The following ADCY3 variants were observed in gnomAD, a reference collection of about 807,000 sequenced individuals.
ADCY3 encodes adenylate cyclase type 3.
Under a neutral mutation model 119.4 loss-of-function variants are expected in ADCY3, and 70 were observed. The ratio of observed to expected loss-of-function variants is 0.59; its 90% CI spans 0.48 to 0.72. ADCY3 has a LOEUF of 0.72. Ranked by LOEUF, ADCY3 falls within the 30% of genes least tolerant of loss-of-function variation. ADCY3 has a pLI of 0.00. For missense variants in ADCY3, 1,238 were observed against 1,541.6 expected, an observed-to-expected ratio of 0.80 and a Z score of 3.30; for synonymous variants, 672 against 621.4, an observed-to-expected ratio of 1.08 and a Z score of -1.21.
chr2:24,830,903 C>T lies in ADCY3; in HGVS notation c.2056-78G>A, dbSNP rs1385107486. 3.5e-6 allele frequency: 4 copies of T among 1,158,694 alleles called. No individual in the cohort carries two copies. In the African/African-American group the frequency reaches 4.6e-5, roughly 13 times the overall value. 71.8% of individuals were successfully genotyped at this position (1,158,694 alleles called of 1,614,324 possible). A position where few individuals can be genotyped will look rare whatever the true frequency, so the allele number is the denominator to read the frequency against. On this transcript the variant is annotated intron_variant, in intron 12 of 21. Transcript: ENST00000679454. Reference sequence around the variant, plus strand: ...GCGACGTGACTGACAGCAACTCAGGCTGGTCCCGTATTCCAGTCCCAGGAG... The same window carrying T: ...GCGACGTGACTGACAGCAACTCAGGTTGGTCCCGTATTCCAGTCCCAGGAG...
chr2:24,833,421 G>A lies in ADCY3; in HGVS notation c.1967+1064C>T, dbSNP rs553546780. On this transcript the variant is annotated intron_variant, in intron 11 of 21. Transcript: ENST00000679454. ...AGGCTCGCCCCTCACCCGCTTCCAG[G>A]CGTTACTGAAATATTATCCTGCCAG... Among the ~76,000 whole-genome samples, 52 of 152,254 alleles carry A rather than the reference G, an allele frequency of 3.4e-4. 3 individuals are homozygous for A. In the South Asian group the frequency reaches 9.1e-3, roughly 27 times the overall value.
At chr2:24,913,704 G>A (rs1214455595) in intron 2 of ADCY3, among the ~76,000 whole-genome samples, 12 of 152,184 alleles carry the variant, frequency 7.9e-5, no homozygotes, top group East Asian at 1.9e-4. Context: ...CCCTCCCTAC[G>A]GCAGCTCCCT....
At chr2:24,903,764 G>A (rs1312910191) in intron 2 of ADCY3, among the ~76,000 whole-genome samples, 1 of 152,172 alleles carries the variant, frequency 6.6e-6, no homozygotes, top group Non-Finnish European at 1.5e-5. Context: ...CTCGCCAGCT[G>A]AACAGGGAGC....
chr2:24,839,041 C>T (rs554367903), intron 7 of ADCY3: 81 of 448,876 alleles, frequency 1.8e-4, no homozygotes, highest in East Asian at 1.2e-3. Context: ...CTCCCGGGTT[C>T]AAGCAATTCT....
Position 24,841,121 on chromosome 2 carries a change from C to A in ADCY3, c.1196+138G>T. On this transcript the variant is annotated intron_variant, in intron 6 of 21. Transcript: ENST00000679454. This position sits in a 1 kb window ranked among gnomAD's most constrained non-coding sequence, Gnocchi z 5.8. ...GCGGGAGCCTGCGCCACCCATCAACCAGTGCTGTGTCCCAGTCTCTGCTTC... is the reference window on the plus strand; with the variant it reads ...GCGGGAGCCTGCGCCACCCATCAACAAGTGCTGTGTCCCAGTCTCTGCTTC... The A allele has an allele frequency of 9.8e-7, 1 of 1,022,250 alleles. No individual in the cohort carries two copies. The highest frequency in any genetic ancestry group is 1.4e-6 in the Non-Finnish European group (1 of 730,424). 63.3% of individuals were successfully genotyped at this position (1,022,250 alleles called of 1,614,324 possible).
At position 24,843,986 on chromosome 2, in the gene ADCY3, C is replaced by A. The variant is rs188177222; in HGVS notation, c.826-1602G>T. On this transcript the variant is annotated intron_variant, in intron 3 of 21. Transcript: ENST00000679454. ...TGGTGGGGGGCACTTGGGGGAGAAT[C>A]CCAAGTTGAGGTTTTGCAAGATGGA... Among the ~76,000 whole-genome samples, 337 of 152,214 alleles carry A rather than the reference C, an allele frequency of 2.2e-3. 5 individuals carry two copies. The highest frequency in any genetic ancestry group is 1.8e-3 in the Non-Finnish European group (122 of 68,002).
At chr2:24,844,402 A>G (rs1671427165) in intron 3 of ADCY3, among the ~76,000 whole-genome samples, 2 of 152,078 alleles carry the variant, frequency 1.3e-5, no homozygotes, top group South Asian at 4.1e-4. Context: ...GTCCCAGGCC[A>G]CAGGAGCAGG....
chr2:24,900,545 C>A (rs1678790423), intron 2 of ADCY3, among the ~76,000 whole-genome samples: 1 of 151,930 alleles, frequency 6.6e-6, no homozygotes, highest in Non-Finnish European at 1.5e-5. Flanking sequence ...CTGTGAGCAG[C>A]CTGGGCAAAC....
chr2:24,865,121 G>A (rs1558471614), intron 3 of ADCY3, among the ~76,000 whole-genome samples: 1 of 152,172 alleles, frequency 6.6e-6, no homozygotes, highest in Non-Finnish European at 1.5e-5. Flanking sequence ...TCATTAAGAA[G>A]GTTGTGGCAA....
intron 2 of ADCY3, among the ~76,000 whole-genome samples, chr2:24,917,627 G>A (rs1405495532): frequency 1.3e-5 from 2 of 152,152 alleles, no homozygotes; most frequent in Admixed American, 6.5e-5. Context: ...AGCAGAATGC[G>A]TGCTTTAGGA....
rs911525785 is a variant in ADCY3, at chr2:24,919,117, G to A, written c.-130C>T. ...AGGGCCTCTTCTTGTCTGGGGCGGA[G>A]GGGAGGCCACCTCCAGCAGGAACGC... is the stretch of plus-strand genomic sequence containing the variant. On this transcript the variant is annotated 5_prime_UTR_variant, in exon 2 of 22. Coordinates refer to ENST00000679454, the MANE Select transcript of ADCY3 (RefSeq NM_004036.5). The surrounding 1 kb of genome is among the most constrained non-coding windows in gnomAD (Gnocchi z 5.5). The A allele has an allele frequency of 1.0e-6, 1 of 959,134 alleles. No homozygotes were observed. Among genetic ancestry groups the A allele is most frequent in the Middle Eastern group, 2.5e-4 (1 of 4,004 alleles). 59.4% of individuals were successfully genotyped at this position (959,134 alleles called of 1,614,324 possible).
At chr2:24,824,856 C>G (rs1429173610) in intron 16 of ADCY3, among the ~76,000 whole-genome samples, 2 of 152,170 alleles carry the variant, frequency 1.3e-5, no homozygotes, top group Admixed American at 6.5e-5. Flanking sequence ...CACCACTGCA[C>G]TCCAGCCTGG....
At chr2:24,835,332 T>A (rs940238115) in intron 9 of ADCY3, among the ~76,000 whole-genome samples, 1 of 152,106 alleles carries the variant, frequency 6.6e-6, no homozygotes, top group Non-Finnish European at 1.5e-5. Flanking sequence ...CCTGGGGACA[T>A]GAATGGCTCC....
Position 24,819,769 on chromosome 2 carries a change from G to T in ADCY3, c.*163C>A. 1.4e-6 allele frequency: 1 copy of T among 727,914 alleles called. No individual in the cohort carries two copies. Among genetic ancestry groups the T allele is most frequent in the Non-Finnish European group, 2.3e-6 (1 of 443,758 alleles). 45.1% of individuals were successfully genotyped at this position (727,914 alleles called of 1,614,324 possible). A position where few individuals can be genotyped will look rare whatever the true frequency, so the allele number is the denominator to read the frequency against. On this transcript the variant is annotated 3_prime_UTR_variant, in exon 22 of 22. Transcript: ENST00000679454. ...TACAGGCACACACAGGAATAGCAGGGCCACCCTCAGAGCTCACACATCCAC... is the reference window on the plus strand; with the variant it reads ...TACAGGCACACACAGGAATAGCAGGTCCACCCTCAGAGCTCACACATCCAC...
In ADCY3 at chr2:24,819,529, C is replaced by T. The variant is rs1667213913; in HGVS notation, c.*403G>A. The T allele has an allele frequency of 6.3e-6, 1 of 159,740 alleles. No individual in the cohort carries two copies. Among genetic ancestry groups the T allele is most frequent in the African/African-American group, 2.4e-5 (1 of 41,628 alleles). The allele number at this position is 159,740 out of a possible 1,614,324, so 9.9% of individuals were successfully genotyped here. On this transcript the variant is annotated 3_prime_UTR_variant, in exon 22 of 22. Transcript: ENST00000679454. ...CTCCCTTCAAAATGGGAGCCATGTC[C>T]TGCCCCACCAAGCCCTGTCTGAAGT...
chr2:24,910,174 C>A (rs1450578830), intron 2 of ADCY3, among the ~76,000 whole-genome samples: 1 of 152,242 alleles, frequency 6.6e-6, no homozygotes, highest in South Asian at 2.1e-4. Flanking sequence ...AGTCAACCCA[C>A]AGGATCATGA....
rs1190233494 is a variant in ADCY3 at position 24,834,927 on chromosome 2, G to A, written c.1672C>T (p.Pro558Ser). 2 of 1,613,512 alleles carry A rather than the reference G, an allele frequency of 1.2e-6. No individual in the cohort carries two copies. The highest frequency in any genetic ancestry group is 2.2e-5 in the South Asian group (2 of 91,022). The stretch of plus-strand genomic sequence containing the variant: ...CTCCGGCGTGGGTTGGGGAATGAGG[G>A]GTTGTCGGCCTGTGAGCCAGGGAGG... ...PEEQDAQADN[P>S]SFPNPRRRLR... Residue 558 changes from proline to serine, a missense_variant, in exon 10 of 22, where the codon CCC becomes TCC. Transcript: ENST00000679454. This position sits in a 1 kb window ranked among gnomAD's most constrained non-coding sequence, Gnocchi z 4.2.
Position 24,878,396 on chromosome 2 carries a change from C to T in ADCY3, c.676-5677G>A, listed in dbSNP as rs549008022. ...CGAGTGGAAGTCACCCCACTGGAGG[C>T]GGTTTGGTGGCTCTCTTGCCCAAAC... On this transcript the variant is annotated intron_variant, in intron 2 of 21. Coordinates refer to ENST00000679454, the MANE Select transcript of ADCY3 (RefSeq NM_004036.5). The surrounding 1 kb of genome is among the most constrained non-coding windows in gnomAD (Gnocchi z 4.0). Among the ~76,000 whole-genome samples, 10 of 152,200 alleles carry T rather than the reference C, an allele frequency of 6.6e-5. No homozygotes were observed. The highest frequency in any genetic ancestry group is 1.7e-4 in the African/African-American group (7 of 41,532).
At chr2:24,821,491 G>T in intron 20 of ADCY3, 26 bp downstream of exon 20, 1 of 1,612,042 alleles carries the variant, frequency 6.2e-7, no homozygotes, top group South Asian at 1.1e-5. Flanking sequence ...AGCCTGCTGC[G>T]GGGCAGGCCA....
Sources: allele counts gnomAD v4.1 joint callset (sites outside exome capture counted in the v4.1 genomes callset), GRCh38; gene constraint gnomAD v4.1.1; non-coding constraint Gnocchi (gnomAD v3.1); transcripts MANE v1.5; gene names NCBI Gene and HGNC (gene_info 2026-07-23, HGNC 2026-07-21).